Variants in OAS3 observed in about 807,000 individuals in gnomAD.
OAS3 encodes 2'-5'-oligoadenylate synthase 3.
OAS3 carries 107 observed loss-of-function variants against 113.0 expected under a neutral mutation model. That is an observed-to-expected ratio of 0.95 (90% confidence interval 0.81 to 1.11). The LOEUF (loss-of-function observed/expected upper bound fraction) is 1.11, where lower values mean the gene tolerates loss of function less well. Among genes scored for constraint, OAS3 ranks in the 50% most tolerant of loss-of-function variants. The pLI is 0.00. For missense variants in OAS3, 1,258 were observed against 1,389.1 expected, an observed-to-expected ratio of 0.91 and a Z score of 1.50; for synonymous variants, 552 against 573.6, an observed-to-expected ratio of 0.96 and a Z score of 0.54.
At position 112,971,427 on chromosome 12, in the gene OAS3, G is replaced by C. The variant is rs570742395; in HGVS notation, c.*1454G>C. 6.5e-6 allele frequency: 1 copy of C among 152,970 alleles called. No individual in the cohort carries two copies. The highest frequency in any genetic ancestry group is 1.9e-4 in the East Asian group (1 of 5,266). The allele number at this position is 152,970 out of a possible 1,614,324, so 9.5% of individuals were successfully genotyped here. On this transcript the variant is annotated 3_prime_UTR_variant, in exon 16 of 16. Transcript: ENST00000228928. ...AATCTAAATTACAGCCAGACCTCTG[G>C]CTGCAGAGGAGTCTGAGACATGTAT...
intron 1 of OAS3, among the ~76,000 whole-genome samples, chr12:112,940,730 T>C (rs1228085910): frequency 6.6e-6 from 1 of 152,196 alleles, no homozygotes; most frequent in Non-Finnish European, 1.5e-5. Flanking sequence ...AGGCCTGGCA[T>C]GGTGGTTCAT....
chr12:112,962,931 T>C (rs376552554), intron 9 of OAS3, 29 bp downstream of exon 9: 3 of 1,609,622 alleles, frequency 1.9e-6, no homozygotes, highest in Non-Finnish European at 2.5e-6. Context: ...TTGCCTGGCT[T>C]CATTATCCTC....
Position 112,949,020 on chromosome 12 carries a change from A to G in OAS3, c.1189A>G (p.Ile397Val). ...PAPGPTGAASIVPSVPGMALD... is the reference protein window; with the variant it reads ...PAPGPTGAASVVPSVPGMALD... ...TCCTGGCCCCACTGGGGCAGCCAGC[A>G]TCGTCCCCTCTGTGCCGGGAATGGC... Residue 397 changes from isoleucine (I) to valine (V), a missense_variant, in exon 6 of 16, where the codon ATC becomes GTC. Transcript: ENST00000228928. The G allele has an allele frequency of 6.2e-7, 1 of 1,614,030 alleles. No homozygotes were observed. The highest frequency in any genetic ancestry group is 8.5e-7 in the Non-Finnish European group (1 of 1,179,900).
Position 112,942,559 on chromosome 12 carries a change from T to A in OAS3, c.460+707T>A, listed in dbSNP as rs1028299560. Among the ~76,000 whole-genome samples the A allele has an allele frequency of 9.9e-5, 15 of 152,054 alleles. No homozygotes were observed. The East Asian group carries it at 2.9e-3, about 29-fold the overall frequency. ...TAGTCTCTACAAATAATAATAATTTTAAAAAATAGCCAGGTGTAGTAGTAC... is the reference window on the plus strand; with the variant it reads ...TAGTCTCTACAAATAATAATAATTTAAAAAAATAGCCAGGTGTAGTAGTAC... On this transcript the variant is annotated intron_variant, in intron 2 of 15. Coordinates refer to ENST00000228928, the MANE Select transcript of OAS3 (RefSeq NM_006187.4).
chr12:112,962,988 AG>A, intron 9 of OAS3, 86 bp downstream of exon 9: 1 of 1,563,800 alleles, frequency 6.4e-7, no homozygotes, highest in Non-Finnish European at 8.7e-7. Flanking sequence ...GAGGAGTCCA[AG>A]GTAGGGTTTG....
At chr12:112,946,699 C>G (rs1565975277) in intron 3 of OAS3, 44 bp from the exon 4 acceptor site, 1 of 1,525,566 alleles carries the variant, frequency 6.6e-7, no homozygotes, top group East Asian at 2.4e-5. Context: ...GCTCTCTTTC[C>G]TCCCCTTCTT....
chr12:112,948,064 G>C lies in OAS3; in HGVS notation c.994G>C (p.Gly332Arg), dbSNP rs377526394. Residue 332 changes from glycine (G) to arginine (R), a missense_variant, in exon 5 of 16, where the codon GGG becomes CGG. Gly to Arg is a moderately radical substitution (Grantham distance 125). Transcript: ENST00000228928. ...SCYDHPCFLRGMGDPVQSWKG... is the reference protein window; with the variant it reads ...SCYDHPCFLRRMGDPVQSWKG... ...CTATGACCACCCATGCTTTCTGAGG[G>C]GGATGGGGGACCCAGTGCAGTCTTG... is the stretch of plus-strand genomic sequence containing the variant. 1.9e-6 allele frequency: 3 copies of C among 1,576,244 alleles called. No individual in the cohort carries two copies. In the African/African-American group the frequency reaches 4.1e-5, roughly 21 times the overall value.
intron 3 of OAS3, 156 bp downstream of exon 3, chr12:112,944,807 C>G: frequency 1.3e-6 from 1 of 779,622 alleles, no homozygotes; most frequent in Admixed American, 2.1e-5. Flanking sequence ...CTTGGGTTAG[C>G]TGTCTTGTTA....
chr12:112,965,742 AG>A lies in OAS3; in HGVS notation c.2405del, dbSNP rs772376277. On this transcript the variant is annotated splice_acceptor_variant, in intron 11 of 15. Transcript: ENST00000228928. LOFTEE classifies it high-confidence loss of function. ...TTGAGCCACCTGCCATGTCCTCTCCAGGGTGGCTCTTCAGCCAAAGGCACAG... is the reference window on the plus strand; with the variant it reads ...TTGAGCCACCTGCCATGTCCTCTCCAGGTGGCTCTTCAGCCAAAGGCACAG... 6.8e-6 allele frequency: 11 copies of A among 1,607,240 alleles called. No homozygotes were observed. The Admixed American group carries it at 1.3e-4, about 20-fold the overall frequency.
intron 2 of OAS3, among the ~76,000 whole-genome samples, chr12:112,943,688 GTC>G (rs2043701579): frequency 6.6e-6 from 1 of 152,110 alleles, no homozygotes; most frequent in Non-Finnish European, 1.5e-5. Context: ...AAGACCTTCT[GTC>G]CAGTGCCCAG....
chr12:112,957,313 T>C (rs1244612186), intron 7 of OAS3, among the ~76,000 whole-genome samples: 2 of 152,384 alleles, frequency 1.3e-5, no homozygotes, highest in East Asian at 1.9e-4. Context: ...TGTCTTTTAA[T>C]TGGAGCATTT....
At chr12:112,948,711 C>A in intron 5 of OAS3, 150 bp from the exon 6 acceptor site, 1 of 636,740 alleles carries the variant, frequency 1.6e-6, no homozygotes, top group Non-Finnish European at 2.7e-6. Context: ...CCAAAGATGG[C>A]CATGTGCGTT....
Position 112,938,560 on chromosome 12 carries a change from G to A in OAS3, c.30G>A (p.Ala10=), listed in dbSNP as rs774025913. The A allele has an allele frequency of 2.5e-6, 4 of 1,610,014 alleles. No homozygotes were observed. Among genetic ancestry groups the A allele is most frequent in the South Asian group, 1.1e-5 (1 of 90,770 alleles). Residue 10 remains alanine, a synonymous_variant, in exon 1 of 16, where the codon GCG becomes GCA. Coordinates refer to ENST00000228928, the MANE Select transcript of OAS3 (RefSeq NM_006187.4). Reference sequence around the variant, plus strand: ...ACTTGTACAGCACCCCGGCCGCTGCGCTGGACAGGTTCGTGGCCAGAAGGC... The same window carrying A: ...ACTTGTACAGCACCCCGGCCGCTGCACTGGACAGGTTCGTGGCCAGAAGGC... MDLYSTPAA[A]LDRFVARRLQ...
intron 7 of OAS3, among the ~76,000 whole-genome samples, chr12:112,955,919 TC>T (rs971637211): frequency 6.6e-6 from 1 of 152,336 alleles, no homozygotes; most frequent in East Asian, 1.9e-4. Flanking sequence ...TGGTAACAGC[TC>T]CTCTTTGTAC....
chr12:112,960,212 C>A (rs899879770), intron 7 of OAS3, among the ~76,000 whole-genome samples: 1 of 152,130 alleles, frequency 6.6e-6, no homozygotes, highest in African/African-American at 2.4e-5. Context: ...CACTAATTCC[C>A]AGGCTAGATT....
intron 5 of OAS3, among the ~76,000 whole-genome samples, chr12:112,948,609 A>G (rs2043756153): frequency 6.6e-6 from 1 of 151,678 alleles, no homozygotes; most frequent in Non-Finnish European, 1.5e-5. Context: ...GTTTTTCTGC[A>G]GCTATGGTCT....
intron 8 of OAS3, 40 bp downstream of exon 8, chr12:112,961,286 C>G: frequency 6.3e-7 from 1 of 1,586,990 alleles, no homozygotes; most frequent in South Asian, 1.1e-5. Flanking sequence ...CCACCACTGT[C>G]ATGGCAACCA....
intron 11 of OAS3, among the ~76,000 whole-genome samples, chr12:112,965,205 T>C (rs1042711143): frequency 4.6e-5 from 7 of 152,244 alleles, no homozygotes; most frequent in African/African-American, 1.7e-4. Context: ...GCTGGTTTGC[T>C]GTGTGACCAT....
chr12:112,966,121 C>T (rs2043931619), intron 12 of OAS3, 92 bp downstream of exon 12: 6 of 1,280,808 alleles, frequency 4.7e-6, no homozygotes, highest in Non-Finnish European at 6.6e-6. Context: ...ACAACCAGGC[C>T]ACATCTGTTC....
Sources: gnomAD v4.1 joint callset for allele counts (sites outside exome capture counted in the v4.1 genomes callset) on GRCh38, gnomAD v4.1.1 for gene constraint, MANE v1.5 for transcripts, NCBI Gene and HGNC (gene_info 2026-07-23, HGNC 2026-07-21) for gene names.